The following MRPS27 variants were observed in gnomAD, a reference collection of about 807,000 sequenced individuals.
MRPS27 encodes the protein mitochondrial ribosomal protein S27.
MRPS27 carries 43 observed loss-of-function variants against 48.9 expected under a neutral mutation model. That is an observed-to-expected ratio of 0.88 (90% CI 0.69 to 1.13). MRPS27 has a LOEUF of 1.13. Ranked by LOEUF, MRPS27 falls within the 50% of genes most tolerant of loss-of-function variation. The probability of loss-of-function intolerance (pLI) is 0.00; values close to 1 mark genes in which losing one functional copy is unlikely to be tolerated. For synonymous variants in MRPS27, 188 were observed against 171.9 expected (o/e 1.09, Z -0.73); for missense variants, 467 against 476.3 (o/e 0.98, Z 0.18).
chr5:72,282,821 A>T (rs1161573310), intron 4 of MRPS27, among the ~76,000 whole-genome samples: 1 of 152,240 alleles, frequency 6.6e-6, no homozygotes, highest in African/African-American at 2.4e-5. Context: ...CACAAACAAG[A>T]TAGTAAATGA....
At chr5:72,304,056 TA>T (rs1334720355) in intron 2 of MRPS27, among the ~76,000 whole-genome samples, 1 of 152,206 alleles carries the variant, frequency 6.6e-6, no homozygotes. Flanking sequence ...TTTTAAAGGA[TA>T]AAACTTTATT....
In MRPS27 at chr5:72,220,888, G is replaced by T. The variant is rs1299150156; in HGVS notation, c.*21C>A. 23 of 1,613,502 alleles carry T rather than the reference G, an allele frequency of 1.4e-5. No homozygotes were observed. Among genetic ancestry groups the T allele is most frequent in the Non-Finnish European group, 1.9e-5 (23 of 1,179,690 alleles). On this transcript the variant is annotated 3_prime_UTR_variant, in exon 11 of 11. Coordinates refer to ENST00000261413, the MANE Select transcript of MRPS27 (RefSeq NM_015084.3). Reference sequence around the variant, plus strand: ...GTTGAGTGAAGTTCTTGTGAGACAGGTGGGGCCCTGGGGGACCCTATTAGG... The same window carrying T: ...GTTGAGTGAAGTTCTTGTGAGACAGTTGGGGCCCTGGGGGACCCTATTAGG...
chr5:72,244,166 T>G (rs1178710095), intron 4 of MRPS27, among the ~76,000 whole-genome samples: 1 of 152,170 alleles, frequency 6.6e-6, no homozygotes, highest in Non-Finnish European at 1.5e-5. Flanking sequence ...ATATAGTCAT[T>G]AGACCTTCTG....
chr5:72,288,424 G>C (rs1315767177), intron 4 of MRPS27, among the ~76,000 whole-genome samples: 2 of 152,158 alleles, frequency 1.3e-5, no homozygotes, highest in Non-Finnish European at 2.9e-5. Context: ...TGTTAGCAAG[G>C]ATGGTCTCGA....
At chr5:72,318,546 G>C (rs1001769237) in intron 1 of MRPS27, among the ~76,000 whole-genome samples, 1 of 152,242 alleles carries the variant, frequency 6.6e-6, no homozygotes, top group Admixed American at 6.5e-5. Context: ...CGTAATCCCA[G>C]CACCTTGGGA....
chr5:72,219,856 T>A lies in MRPS27; in HGVS notation c.*1053A>T, dbSNP rs181562310. 1.3e-5 allele frequency: 2 copies of A among 152,402 alleles called. No individual in the cohort carries two copies. The highest frequency in any genetic ancestry group is 3.9e-4 in the East Asian group (2 of 5,174). 9.4% of individuals were successfully genotyped at this position (152,402 alleles called of 1,614,324 possible). On this transcript the variant is annotated 3_prime_UTR_variant, in exon 11 of 11. Coordinates refer to ENST00000261413, the MANE Select transcript of MRPS27 (RefSeq NM_015084.3). Reference sequence around the variant, plus strand: ...CTACTTGATAAATGAGCTGAGACGATGTTTTGGGAAAAAAAAAATTGGAAA... The same window carrying A: ...CTACTTGATAAATGAGCTGAGACGAAGTTTTGGGAAAAAAAAAATTGGAAA...
At chr5:72,228,236 A>G (rs1747950752) in intron 8 of MRPS27, 30 bp downstream of exon 8, 1 of 1,484,088 alleles carries the variant, frequency 6.7e-7, no homozygotes, top group African/African-American at 1.4e-5. Context: ...AACCATGAAG[A>G]ACAGTATTTG....
intron 4 of MRPS27, among the ~76,000 whole-genome samples, chr5:72,254,382 T>C (rs1254130711): frequency 6.6e-6 from 1 of 151,906 alleles, no homozygotes; most frequent in African/African-American, 2.4e-5. Flanking sequence ...CACACATATA[T>C]TAATATGTAT....
rs539079871 is a variant in MRPS27, at chr5:72,312,782, G to A, written c.151+1299C>T. The stretch of plus-strand genomic sequence containing the variant: ...ATTACAGATGCCTGCCACTGCGCCC[G>A]GCTAATTTTTGTATTTTTTAACAGA... On this transcript the variant is annotated intron_variant, in intron 2 of 10. Transcript: ENST00000261413. Among the ~76,000 whole-genome samples the A allele has an allele frequency of 5.9e-5, 9 of 151,742 alleles. No homozygotes were observed. The South Asian group carries it at 8.3e-4, about 14-fold the overall frequency.
chr5:72,242,317 A>G (rs542961349), intron 4 of MRPS27, among the ~76,000 whole-genome samples: 13 of 152,196 alleles, frequency 8.5e-5, no homozygotes, highest in East Asian at 7.7e-4. Context: ...TGTTACCAGG[A>G]AAGAAGGAGA....
chr5:72,295,024 A>G (rs1749938311), intron 4 of MRPS27, among the ~76,000 whole-genome samples: 1 of 152,068 alleles, frequency 6.6e-6, no homozygotes, highest in Admixed American at 6.5e-5. Flanking sequence ...CTTAGATAAG[A>G]GATACTCAAC....
At chr5:72,300,078 A>C (rs1394824375) in intron 2 of MRPS27, among the ~76,000 whole-genome samples, 1 of 152,208 alleles carries the variant, frequency 6.6e-6, no homozygotes, top group Non-Finnish European at 1.5e-5. Flanking sequence ...TCTTAGATAC[A>C]GCTGTTACTA....
intron 4 of MRPS27, among the ~76,000 whole-genome samples, chr5:72,242,698 A>T (rs911742544): frequency 6.7e-6 from 1 of 149,812 alleles, no homozygotes; most frequent in Non-Finnish European, 1.5e-5. Context: ...ACACACACAC[A>T]CACACACACT....
At chr5:72,248,059 T>C (rs1293205967) in intron 4 of MRPS27, among the ~76,000 whole-genome samples, 1 of 152,196 alleles carries the variant, frequency 6.6e-6, no homozygotes, top group Non-Finnish European at 1.5e-5. Context: ...ACAGAAAAAT[T>C]AAGGTGACCT....
intron 4 of MRPS27, among the ~76,000 whole-genome samples, chr5:72,287,277 C>T (rs954276094): frequency 7.9e-5 from 12 of 151,958 alleles, no homozygotes; most frequent in African/African-American, 2.9e-4. Flanking sequence ...GGTTGGTGAC[C>T]CCTACCTTAG....
At chr5:72,253,314 T>C (rs1748716842) in intron 4 of MRPS27, among the ~76,000 whole-genome samples, 1 of 152,216 alleles carries the variant, frequency 6.6e-6, no homozygotes, top group Non-Finnish European at 1.5e-5. Flanking sequence ...GAAATAGAGA[T>C]AAGCACATAT....
chr5:72,255,336 C>A (rs796670752), intron 4 of MRPS27, among the ~76,000 whole-genome samples: 5 of 152,200 alleles, frequency 3.3e-5, no homozygotes, highest in African/African-American at 9.6e-5. Flanking sequence ...CAGGCCTGAG[C>A]CACTGCACCT....
Position 72,237,782 on chromosome 5 carries a change from T to C in MRPS27, c.396+232A>G, listed in dbSNP as rs184848823. On this transcript the variant is annotated intron_variant, in intron 5 of 10. Transcript: ENST00000261413. ...CCACTGCAGAGTTCTTCCTTTTGCT[T>C]ATACCTGTCCTTTTCTGAGTCACTA... Among the ~76,000 whole-genome samples the C allele has an allele frequency of 8.7e-4, 132 of 152,180 alleles. 1 individual carries two copies. Among genetic ancestry groups the C allele is most frequent in the African/African-American group, 3.0e-3 (124 of 41,538 alleles).
intron 4 of MRPS27, among the ~76,000 whole-genome samples, chr5:72,286,576 A>C (rs187210141): frequency 0.025 from 3,648 of 144,518 alleles, 136 homozygotes; most frequent in African/African-American, 0.086. Flanking sequence ...CATACACACA[A>C]AAAAAAATTC....
Sources: allele counts gnomAD v4.1 joint callset (sites outside exome capture counted in the v4.1 genomes callset), GRCh38; gene constraint gnomAD v4.1.1; transcripts MANE v1.5; gene names NCBI Gene and HGNC (gene_info 2026-07-23, HGNC 2026-07-21).